PCNX4: variants seen among roughly 807,000 people sequenced by gnomAD.
The protein encoded by PCNX4 is pecanex 4.
Under a neutral mutation model 107.2 loss-of-function variants are expected in PCNX4, and 103 were observed. That is an observed-to-expected ratio of 0.96 (90% confidence interval 0.82 to 1.13). The LOEUF is 1.13. PCNX4 is among the 50% of genes most tolerant of loss of function. The pLI, the probability that PCNX4 is intolerant of heterozygous loss-of-function variation, is 0.00. For missense variants in PCNX4, 1,528 were observed against 1,379.4 expected, an observed-to-expected ratio of 1.11 and a Z score of -1.71; for synonymous variants, 541 against 481.7, an observed-to-expected ratio of 1.12 and a Z score of -1.61.
rs902229408 is a variant in PCNX4, at chr14:60,142,139, G to C, written c.*7918G>C. Reference sequence around the variant, plus strand: ...AAAAGGGCAAAGGGAAACTTCTGGGGCTGATATATGTGTTTACTCTCTTGA... The same window carrying C: ...AAAAGGGCAAAGGGAAACTTCTGGGCCTGATATATGTGTTTACTCTCTTGA... On this transcript the variant is annotated 3_prime_UTR_variant, in exon 11 of 11. Coordinates refer to ENST00000406854, the MANE Select transcript of PCNX4 (RefSeq NM_001330177.2). This position sits in a 1 kb window ranked among gnomAD's most constrained non-coding sequence, Gnocchi z 4.7. 2 of 152,152 alleles carry C rather than the reference G, an allele frequency of 1.3e-5. No homozygotes were observed. The highest frequency in any genetic ancestry group is 2.9e-5 in the Non-Finnish European group (2 of 68,012). The allele number at this position is 152,152 out of a possible 1,614,324, so 9.4% of individuals were successfully genotyped here. A position where few individuals can be genotyped will look rare whatever the true frequency, so the allele number is the denominator to read the frequency against.
chr14:60,134,578 T>C lies in PCNX4; in HGVS notation c.*357T>C, dbSNP rs981380584. 4.9e-6 allele frequency: 1 copy of C among 205,478 alleles called. No homozygotes were observed. Among genetic ancestry groups the C allele is most frequent in the African/African-American group, 2.3e-5 (1 of 42,746 alleles). 12.7% of individuals were successfully genotyped at this position (205,478 alleles called of 1,614,324 possible). ...TACAAAGTTAACAGCTATGTAATTTTTACATACTTAAGAGATAAACATATC... is the reference window on the plus strand; with the variant it reads ...TACAAAGTTAACAGCTATGTAATTTCTACATACTTAAGAGATAAACATATC... On this transcript the variant is annotated 3_prime_UTR_variant, in exon 11 of 11. Transcript: ENST00000406854.
chr14:60,134,303 G>C lies in PCNX4; in HGVS notation c.*82G>C, dbSNP rs1231379590. 2.6e-6 allele frequency: 4 copies of C among 1,515,752 alleles called. No individual in the cohort carries two copies. Among genetic ancestry groups the C allele is most frequent in the Non-Finnish European group, 2.7e-6 (3 of 1,114,012 alleles). The allele number at this position is 1,515,752 out of a possible 1,614,324, so 93.9% of individuals were successfully genotyped here. A position where few individuals can be genotyped will look rare whatever the true frequency, so the allele number is the denominator to read the frequency against. On this transcript the variant is annotated 3_prime_UTR_variant, in exon 11 of 11. Coordinates refer to ENST00000406854, the MANE Select transcript of PCNX4 (RefSeq NM_001330177.2). Reference sequence around the variant, plus strand: ...AAAGTAACTGTGATTCTTGTAACTTGAGGACTTCTCCACACCCCCATTCAG... The same window carrying C: ...AAAGTAACTGTGATTCTTGTAACTTCAGGACTTCTCCACACCCCCATTCAG...
At position 60,115,337 on chromosome 14, in the gene PCNX4, A is replaced by T; in HGVS notation, c.1233A>T (p.Val411=). ...GGATACTTAGAGAAATTCAAAGCGTATATATCATTGGAATTTTCCGAAATC... is the reference window on the plus strand; with the variant it reads ...GGATACTTAGAGAAATTCAAAGCGTTTATATCATTGGAATTTTCCGAAATC... ...ILWILREIQS[V]YIIGIFRNPF... The change falls in exon 4 of 11, where the codon GTA becomes GTT. Residue 411 remains valine (V), a synonymous_variant. Transcript: ENST00000406854. 1 of 1,606,444 alleles carries T rather than the reference A, an allele frequency of 6.2e-7. No individual in the cohort carries two copies. Among genetic ancestry groups the T allele is most frequent in the Non-Finnish European group, 8.5e-7 (1 of 1,175,148 alleles).
chr14:60,105,077 A>G (rs1026361058), intron 1 of PCNX4, among the ~76,000 whole-genome samples: 2 of 152,184 alleles, frequency 1.3e-5, no homozygotes, highest in South Asian at 4.1e-4. Context: ...CAAAAATCAG[A>G]AATGCCCTAC....
intron 1 of PCNX4, among the ~76,000 whole-genome samples, chr14:60,104,038 C>T (rs905340695): frequency 1.3e-4 from 20 of 152,096 alleles, no homozygotes; most frequent in South Asian, 1.2e-3. Context: ...ATGGTAAATA[C>T]GGCCTGGCGC....
rs1896266066 is a variant in PCNX4, at chr14:60,138,284, G to GT, written c.*4064dup. 6.6e-6 allele frequency: 1 copy of GT among 152,112 alleles called. No homozygotes were observed. Among genetic ancestry groups the GT allele is most frequent in the Admixed American group, 6.5e-5 (1 of 15,270 alleles). 9.4% of individuals were successfully genotyped at this position (152,112 alleles called of 1,614,324 possible). On this transcript the variant is annotated 3_prime_UTR_variant, in exon 11 of 11. Coordinates refer to ENST00000406854, the MANE Select transcript of PCNX4 (RefSeq NM_001330177.2). ...TAACTTGAGAAGATCTAACATACAC[G>GT]TAACTGGATTTCCAGGAGAAGAGAG...
Position 60,125,894 on chromosome 14 carries a change from A to G in PCNX4, c.3267+71A>G. 3 of 982,956 alleles carry G rather than the reference A, an allele frequency of 3.1e-6. No homozygotes were observed. In the Admixed American group the frequency reaches 1.0e-4, roughly 34 times the overall value. 60.9% of individuals were successfully genotyped at this position (982,956 alleles called of 1,614,324 possible). On this transcript the variant is annotated intron_variant, in intron 10 of 10. Coordinates refer to ENST00000406854, the MANE Select transcript of PCNX4 (RefSeq NM_001330177.2). ...ATGGATATAAGTTATAAAGTATTTG[A>G]ACTAAGTGATAAATGATATAACGTT...
chr14:60,132,103 G>A (rs1373265550), intron 10 of PCNX4, among the ~76,000 whole-genome samples: 2 of 152,200 alleles, frequency 1.3e-5, no homozygotes, highest in African/African-American at 4.8e-5. Flanking sequence ...AAGCCAAGGT[G>A]CCAGTAGAGC....
chr14:60,133,613 G>A, intron 10 of PCNX4: 1 of 468,562 alleles, frequency 2.1e-6, no homozygotes, highest in Non-Finnish European at 4.2e-6. Context: ...CAACAAAGCT[G>A]TTTCTTTAAA....
rs949807302 is a variant in PCNX4, at chr14:60,139,333, A to G, written c.*5112A>G. On this transcript the variant is annotated 3_prime_UTR_variant, in exon 11 of 11. Coordinates refer to ENST00000406854, the MANE Select transcript of PCNX4 (RefSeq NM_001330177.2). ...GCAGGGGACTATGGTGGCTATTGCA[A>G]CATTATTCAATGTAGACCTTAAGGT... 1.1e-4 allele frequency: 16 copies of G among 152,158 alleles called. No individual in the cohort carries two copies. Among genetic ancestry groups the G allele is most frequent in the South Asian group, 2.1e-4 (1 of 4,834 alleles). The allele number at this position is 152,158 out of a possible 1,614,324, so 9.4% of individuals were successfully genotyped here.
chr14:60,095,160 G>C (rs1895399399), intron 1 of PCNX4, among the ~76,000 whole-genome samples: 1 of 152,184 alleles, frequency 6.6e-6, no homozygotes, highest in African/African-American at 2.4e-5. Flanking sequence ...AAAGGGGAAA[G>C]GGCAGGATGT....
At chr14:60,095,298 C>A (rs1284084208) in intron 1 of PCNX4, among the ~76,000 whole-genome samples, 1 of 152,136 alleles carries the variant, frequency 6.6e-6, no homozygotes, top group African/African-American at 2.4e-5. Context: ...TTAGGGGAAT[C>A]TGCATTTTAC....
Position 60,145,341 on chromosome 14 carries a change from G to C in PCNX4, c.*11120G>C. On this transcript the variant is annotated 3_prime_UTR_variant, in exon 11 of 11. Coordinates refer to ENST00000406854, the MANE Select transcript of PCNX4 (RefSeq NM_001330177.2). The surrounding 1 kb of genome is among the most constrained non-coding windows in gnomAD (Gnocchi z 4.0). ...ACTTGCCCTAATAAATAAAAACAAT[G>C]AGTCAGATTATGTAGAATTGAGATA... is the stretch of plus-strand genomic sequence containing the variant. 1 of 178,396 alleles carries C rather than the reference G, an allele frequency of 5.6e-6. No homozygotes were observed. The highest frequency in any genetic ancestry group is 1.2e-5 in the Non-Finnish European group (1 of 85,930). The allele number at this position is 178,396 out of a possible 1,614,324, so 11.1% of individuals were successfully genotyped here.
chr14:60,104,318 CAAAAAAAAA>C (rs200434027), intron 1 of PCNX4, among the ~76,000 whole-genome samples: 28 of 129,564 alleles, frequency 2.2e-4, no homozygotes, highest in African/African-American at 7.0e-4. Context: ...GACTCCATCT[CAAAAAAAAA>C]AAAAAAAAAA....
chr14:60,130,085 C>A (rs1445803133), intron 10 of PCNX4, among the ~76,000 whole-genome samples: 2 of 151,896 alleles, frequency 1.3e-5, no homozygotes, highest in Non-Finnish European at 2.9e-5. Flanking sequence ...TGCCTGTAAT[C>A]CCAGCACTTT....
At position 60,133,859 on chromosome 14, in the gene PCNX4, A is replaced by G. The variant is rs1450161945; in HGVS notation, c.3268-111A>G. On this transcript the variant is annotated intron_variant, in intron 10 of 10. Transcript: ENST00000406854. Reference sequence around the variant, plus strand: ...TACTTTCTGTTTTTTGAACTTGGGAAAAGTTTGCCTAATTACAATGCAATT... The same window carrying G: ...TACTTTCTGTTTTTTGAACTTGGGAGAAGTTTGCCTAATTACAATGCAATT... The G allele has an allele frequency of 8.2e-6, 9 of 1,096,880 alleles. No homozygotes were observed. In the East Asian group the frequency reaches 2.3e-4, roughly 28 times the overall value. 67.9% of individuals were successfully genotyped at this position (1,096,880 alleles called of 1,614,324 possible).
At chr14:60,093,131 T>A (rs1245346103) in intron 1 of PCNX4, among the ~76,000 whole-genome samples, 1 of 152,190 alleles carries the variant, frequency 6.6e-6, no homozygotes, top group African/African-American at 2.4e-5. Context: ...TGTTGGCTGC[T>A]CCTAAATTTC....
At position 60,124,548 on chromosome 14, in the gene PCNX4, C is replaced by T. The variant is rs759165780; in HGVS notation, c.2377C>T (p.Leu793=). The T allele has an allele frequency of 2.3e-5, 37 of 1,613,768 alleles. No homozygotes were observed. The highest frequency in any genetic ancestry group is 2.9e-5 in the Non-Finnish European group (34 of 1,179,758). ...CACTGAAAATAAAGGGAAAGCACCTCTAATGTTGCCTGCTTTGAACACTTT... is the reference window on the plus strand; with the variant it reads ...CACTGAAAATAAAGGGAAAGCACCTTTAATGTTGCCTGCTTTGAACACTTT... ...HNTENKGKAP[L]MLPALNTLPP... Residue 793 remains leucine (L), a synonymous_variant, in exon 9 of 11, where the codon CTA becomes TTA. Transcript: ENST00000406854.
At position 60,124,791 on chromosome 14, in the gene PCNX4, G is replaced by A. The variant is rs112427833; in HGVS notation, c.2620G>A (p.Asp874Asn). Residue 874 changes from aspartate to asparagine, a missense_variant, in exon 9 of 11, where the codon GAT becomes AAT. Transcript: ENST00000406854. ...DHSTGTVPEN[D>N]LYKAVLLGYP... ...TTCTACAGGCACTGTTCCTGAAAACGATCTTTACAAAGCAGTTCTATTAGG... is the reference window on the plus strand; with the variant it reads ...TTCTACAGGCACTGTTCCTGAAAACAATCTTTACAAAGCAGTTCTATTAGG... The A allele has an allele frequency of 3.7e-5, 60 of 1,613,492 alleles. 1 individual carries two copies. Among genetic ancestry groups the A allele is most frequent in the African/African-American group, 3.3e-4 (25 of 75,036 alleles).
Sources: gnomAD v4.1 joint callset for allele counts (sites outside exome capture counted in the v4.1 genomes callset) on GRCh38, gnomAD v4.1.1 for gene constraint, Gnocchi (gnomAD v3.1) non-coding constraint, MANE v1.5 for transcripts, NCBI Gene and HGNC (gene_info 2026-07-23, HGNC 2026-07-21) for gene names.